Variants in SLC4A10 observed in about 807,000 individuals in gnomAD.
The protein encoded by SLC4A10 is solute carrier family 4 member 10, also known as sodium-driven chloride bicarbonate exchanger.
Under a neutral mutation model 137.7 loss-of-function variants are expected in SLC4A10, and 42 were observed. The ratio of observed to expected loss-of-function variants is 0.30; its 90% CI spans 0.24 to 0.39. The LOEUF (loss-of-function observed/expected upper bound fraction) is 0.39. SLC4A10 is among the 10% of genes least tolerant of loss of function. SLC4A10 has a pLI of 1.00. For missense variants in SLC4A10, 925 were observed against 1,355.0 expected (o/e 0.68, Z 4.98); for synonymous variants, 474 against 464.1 (o/e 1.02, Z -0.27).
chr2:161,832,836 GT>G (rs779581702), intron 3 of SLC4A10, among the ~76,000 whole-genome samples: 4 of 152,184 alleles, frequency 2.6e-5, no homozygotes, highest in Non-Finnish European at 5.9e-5. Flanking sequence ...CGCCTCCCGG[GT>G]TCACGCCATT....
chr2:161,757,016 C>T (rs1051441707), intron 1 of SLC4A10, among the ~76,000 whole-genome samples: 3 of 151,906 alleles, frequency 2.0e-5, no homozygotes, highest in African/African-American at 7.3e-5. Flanking sequence ...ATGTGCACAA[C>T]AGAAAGAAGA....
chr2:161,728,393 G>A (rs2046450077), intron 1 of SLC4A10, among the ~76,000 whole-genome samples: 1 of 152,096 alleles, frequency 6.6e-6, no homozygotes, highest in African/African-American at 2.4e-5. Flanking sequence ...TGACCAACAT[G>A]GTGAAACCCT....
intron 1 of SLC4A10, among the ~76,000 whole-genome samples, chr2:161,675,601 T>C (rs1349651815): frequency 1.3e-5 from 2 of 150,170 alleles, no homozygotes; most frequent in Non-Finnish European, 1.5e-5. Context: ...TTGGGTTTAC[T>C]TTTTACTCAT....
At position 161,942,796 on chromosome 2, in the gene SLC4A10, A is replaced by G. The variant is rs371135427; in HGVS notation, c.2002A>G (p.Asn668Asp). Residue 668 changes from asparagine (N) to aspartate (D), a missense_variant, in exon 16 of 27, where the codon AAC becomes GAC. By Grantham distance (23) the Asn-to-Asp change is conservative. Transcript: ENST00000446997. ...DLELLTQYSC[N>D]CVEPHNPSNG... is the part of the protein sequence containing the mutation. ...GACACTATTTTGCCTTTTCAGGTGT[A>G]ACTGTGTGGAACCGCATAATCCCAG... 1.3e-6 allele frequency: 2 copies of G among 1,599,828 alleles called. No individual in the cohort carries two copies. Among genetic ancestry groups the G allele is most frequent in the Non-Finnish European group, 8.5e-7 (1 of 1,172,640 alleles).
chr2:161,776,809 C>T (rs2052390557), intron 2 of SLC4A10, among the ~76,000 whole-genome samples: 1 of 151,220 alleles, frequency 6.6e-6, no homozygotes, highest in Non-Finnish European at 1.5e-5. Context: ...ACATTCCCAA[C>T]AAAAATGCGC....
chr2:161,862,045 T>G (rs1179083396), intron 5 of SLC4A10, among the ~76,000 whole-genome samples: 3 of 152,332 alleles, frequency 2.0e-5, no homozygotes, highest in Non-Finnish European at 4.4e-5. Flanking sequence ...AGCAGATTAA[T>G]TACACAAACA....
At chr2:161,676,133 G>T (rs189064134) in intron 1 of SLC4A10, among the ~76,000 whole-genome samples, 1 of 152,136 alleles carries the variant, frequency 6.6e-6, no homozygotes, top group Non-Finnish European at 1.5e-5. Context: ...GTATACTTAC[G>T]TGGGCAGAGA....
chr2:161,732,123 C>A (rs889399801), intron 1 of SLC4A10, among the ~76,000 whole-genome samples: 2 of 152,114 alleles, frequency 1.3e-5, no homozygotes, highest in African/African-American at 4.8e-5. Context: ...TCAGAAACAC[C>A]CTTATCCCTG....
chr2:161,721,253 G>T (rs1254218675), intron 1 of SLC4A10, among the ~76,000 whole-genome samples: 1 of 152,166 alleles, frequency 6.6e-6, no homozygotes, highest in South Asian at 2.1e-4. Context: ...TTGTAGATTT[G>T]TTAGTGTAGT....
At chr2:161,818,689 G>T (rs945014265) in intron 3 of SLC4A10, among the ~76,000 whole-genome samples, 1 of 152,118 alleles carries the variant, frequency 6.6e-6, no homozygotes, top group South Asian at 2.1e-4. Context: ...TAGCATGAAA[G>T]GTTGTTGAAT....
chr2:161,965,092 G>T lies in SLC4A10; in HGVS notation c.3078G>T (p.Leu1026Phe), dbSNP rs2105915111. Reference protein sequence around the residue: ...LVFVRKLMDLLFTKRELSWLD... With the variant: ...LVFVRKLMDLFFTKRELSWLD... ...TTGTAAGAAAGTTGATGGACTTGTT[G>T]TTCACGAAGCGGGAACTCAGCTGGT... Residue 1026 changes from leucine (L) to phenylalanine (F), a missense_variant, in exon 23 of 27, where the codon TTG (leucine) becomes TTT (phenylalanine). By Grantham distance (22) the Leu-to-Phe change is conservative (BLOSUM62 0). This residue lies in a region of SLC4A10 where 115 missense variants were observed against 237.5 expected (regional missense o/e 0.48). Coordinates refer to ENST00000446997, the MANE Select transcript of SLC4A10 (RefSeq NM_001178015.2). The T allele has an allele frequency of 1.2e-6, 2 of 1,612,586 alleles. No homozygotes were observed. Among genetic ancestry groups the T allele is most frequent in the Non-Finnish European group, 1.7e-6 (2 of 1,179,018 alleles).
intron 1 of SLC4A10, among the ~76,000 whole-genome samples, chr2:161,733,315 G>C (rs772033046): frequency 6.6e-6 from 1 of 152,144 alleles, no homozygotes; most frequent in East Asian, 1.9e-4. Context: ...CATGCCCTGC[G>C]TTCCAGCCAC....
At chr2:161,808,867 G>A (rs1030319419) in intron 3 of SLC4A10, among the ~76,000 whole-genome samples, 1 of 152,094 alleles carries the variant, frequency 6.6e-6, no homozygotes, top group Admixed American at 6.6e-5. Flanking sequence ...TAACACTGCA[G>A]TGAACATACC....
At chr2:161,624,628 C>G in intron 1 of SLC4A10, 62 bp downstream of exon 1, 1 of 1,549,304 alleles carries the variant, frequency 6.5e-7, no homozygotes, top group Non-Finnish European at 8.7e-7. Context: ...GTTAGGCAAG[C>G]GGTCTGCTAG....
chr2:161,649,374 T>C (rs1384885121), intron 1 of SLC4A10, among the ~76,000 whole-genome samples: 1 of 152,202 alleles, frequency 6.6e-6, no homozygotes, highest in Admixed American at 6.5e-5. Context: ...AAAAATTGCT[T>C]TTGCCAATCT....
At chr2:161,681,844 T>C (rs1335940946) in intron 1 of SLC4A10, among the ~76,000 whole-genome samples, 1 of 152,164 alleles carries the variant, frequency 6.6e-6, no homozygotes, top group East Asian at 1.9e-4. Flanking sequence ...TGGAATTATG[T>C]TGACATGATC....
chr2:161,648,386 G>A (rs1323893287), intron 1 of SLC4A10, among the ~76,000 whole-genome samples: 1 of 152,100 alleles, frequency 6.6e-6, no homozygotes, highest in Admixed American at 6.5e-5. Context: ...ACTTGGCTCC[G>A]CTGACTTCAA....
chr2:161,983,094 G>C (rs1172655511), intron 26 of SLC4A10, 85 bp from the exon 27 acceptor site: 1 of 1,255,268 alleles, frequency 8.0e-7, no homozygotes. Context: ...CTTTGGGGTT[G>C]ACGGGTTTTA....
intron 2 of SLC4A10, 133 bp from the exon 3 acceptor site, chr2:161,804,316 G>A: frequency 1.0e-6 from 1 of 959,834 alleles, no homozygotes; most frequent in Non-Finnish European, 1.5e-6. Flanking sequence ...CACGCTCCAA[G>A]CTTTATGTAT....
Sources: gnomAD v4.1 joint callset for allele counts (sites outside exome capture counted in the v4.1 genomes callset) on GRCh38, gnomAD v4.1.1 for gene constraint, gnomAD v4.1.1 regional missense constraint, MANE v1.5 for transcripts, NCBI Gene and HGNC (gene_info 2026-07-23, HGNC 2026-07-21) for gene names.